Variants in SPATA17 observed in about 807,000 individuals in gnomAD.
SPATA17 encodes the protein spermatogenesis-associated protein 17.
Under a neutral mutation model 62.2 loss-of-function variants are expected in SPATA17, and 53 were observed. The ratio of observed to expected loss-of-function variants is 0.85; its 90% CI spans 0.68 to 1.07. The LOEUF (loss-of-function observed/expected upper bound fraction) is 1.07. SPATA17 is among the 50% of genes least tolerant of loss of function. SPATA17 has a pLI of 0.00. For missense variants in SPATA17, 466 were observed against 425.5 expected (o/e 1.10, Z -0.84); for synonymous variants, 146 against 146.8 (o/e 0.99, Z 0.04).
At chr1:217,820,975 G>C (rs1674844420) in intron 9 of SPATA17, among the ~76,000 whole-genome samples, 2 of 152,048 alleles carry the variant, frequency 1.3e-5, no homozygotes, top group South Asian at 4.1e-4. Flanking sequence ...AGAAGGTTAA[G>C]GGCAAAGCAG....
chr1:217,825,377 CCATGT>C (rs2102999002), intron 9 of SPATA17, among the ~76,000 whole-genome samples: 1 of 151,704 alleles, frequency 6.6e-6, no homozygotes, highest in South Asian at 2.1e-4. Flanking sequence ...GTAAATCATG[CCATGT>C]CATTTTTTTG....
chr1:217,658,350 C>T (rs1045874245), intron 3 of SPATA17, among the ~76,000 whole-genome samples: 4 of 152,152 alleles, frequency 2.6e-5, no homozygotes, highest in African/African-American at 9.6e-5. Context: ...TGTGACATGC[C>T]TGCTCTCCCT....
At chr1:217,787,740 C>T (rs1282206953) in intron 8 of SPATA17, among the ~76,000 whole-genome samples, 3 of 152,062 alleles carry the variant, frequency 2.0e-5, no homozygotes, top group Admixed American at 6.6e-5. Context: ...ACGCTCTTCA[C>T]TGATCTTCAG....
At chr1:217,811,348 C>T (rs934926674) in intron 9 of SPATA17, among the ~76,000 whole-genome samples, 1 of 152,088 alleles carries the variant, frequency 6.6e-6, no homozygotes, top group Non-Finnish European at 1.5e-5. Context: ...TTCTTTAAAT[C>T]ATAATAAATC....
intron 3 of SPATA17, among the ~76,000 whole-genome samples, chr1:217,662,756 A>G (rs1000810454): frequency 6.6e-6 from 1 of 152,168 alleles, no homozygotes; most frequent in African/African-American, 2.4e-5. Flanking sequence ...AGAGATTGAC[A>G]TTGTTGCTTT....
intron 9 of SPATA17, among the ~76,000 whole-genome samples, chr1:217,859,744 G>T (rs946098970): frequency 2.0e-5 from 3 of 152,218 alleles, no homozygotes; most frequent in South Asian, 2.1e-4. Flanking sequence ...GATTAGAAGT[G>T]ATGGCCCATT....
At chr1:217,763,400 A>C (rs1434246994) in intron 6 of SPATA17, among the ~76,000 whole-genome samples, 1 of 152,002 alleles carries the variant, frequency 6.6e-6, no homozygotes, top group Non-Finnish European at 1.5e-5. Context: ...GCAGATGGAA[A>C]AAAAAAAACA....
chr1:217,753,762 A>C (rs1342129324), intron 6 of SPATA17, among the ~76,000 whole-genome samples: 2 of 152,132 alleles, frequency 1.3e-5, no homozygotes, highest in Admixed American at 1.3e-4. Context: ...AAACATTCAA[A>C]AGCCAGAAAA....
chr1:217,678,802 CAAT>C (rs1671012095), intron 4 of SPATA17, among the ~76,000 whole-genome samples: 1 of 152,170 alleles, frequency 6.6e-6, no homozygotes, highest in African/African-American at 2.4e-5. Context: ...GCTGAGCACA[CAAT>C]GACTTTGTTT....
At chr1:217,663,160 T>C (rs186306885) in intron 3 of SPATA17, among the ~76,000 whole-genome samples, 1 of 152,216 alleles carries the variant, frequency 6.6e-6, no homozygotes, top group Non-Finnish European at 1.5e-5. Context: ...AATGAACTGT[T>C]CAGGACAGGT....
Position 217,742,108 on chromosome 1 carries a change from C to G in SPATA17, c.519+10C>G, listed in dbSNP as rs1672638501. 1 of 1,613,750 alleles carries G rather than the reference C, an allele frequency of 6.2e-7. No individual in the cohort carries two copies. The highest frequency in any genetic ancestry group is 8.5e-7 in the Non-Finnish European group (1 of 1,179,838). On this transcript the variant is annotated intron_variant, in intron 6 of 10. Coordinates refer to ENST00000366933, the MANE Select transcript of SPATA17 (RefSeq NM_138796.4). ...CCTCAGCACAAAGCAGGTTGGTTTACCTGTCCCTGACAGCTCCTGTAAGCC... is the reference window on the plus strand; with the variant it reads ...CCTCAGCACAAAGCAGGTTGGTTTAGCTGTCCCTGACAGCTCCTGTAAGCC...
At chr1:217,678,093 T>G (rs1670994153) in intron 4 of SPATA17, among the ~76,000 whole-genome samples, 1 of 152,132 alleles carries the variant, frequency 6.6e-6, no homozygotes. Context: ...AAAAGTATAA[T>G]TATGAATAAC....
intron 8 of SPATA17, among the ~76,000 whole-genome samples, chr1:217,786,051 G>T (rs61825814): frequency 0.031 from 4,781 of 152,186 alleles, 108 homozygotes; most frequent in Middle Eastern, 0.058. Context: ...ATATGGGAAG[G>T]TCTCATCTAG....
At chr1:217,721,852 G>A (rs1672135352) in intron 5 of SPATA17, among the ~76,000 whole-genome samples, 1 of 152,144 alleles carries the variant, frequency 6.6e-6, no homozygotes, top group Non-Finnish European at 1.5e-5. Flanking sequence ...AGCAACCCAA[G>A]TAGGTAGGAA....
At chr1:217,726,686 G>T (rs76489813) in intron 5 of SPATA17, among the ~76,000 whole-genome samples, 21,139 of 150,890 alleles carry the variant, frequency 0.14, 1,564 homozygotes, top group Non-Finnish European at 0.16. Context: ...GTTTTCATGC[G>T]TATTTCCCTT....
At chr1:217,699,231 A>G (rs1309704223) in intron 5 of SPATA17, among the ~76,000 whole-genome samples, 1 of 152,172 alleles carries the variant, frequency 6.6e-6, no homozygotes. Context: ...CAAGGGTGCA[A>G]GTATTGGGGC....
chr1:217,683,747 T>C (rs1194186738), intron 5 of SPATA17, among the ~76,000 whole-genome samples: 1 of 152,092 alleles, frequency 6.6e-6, no homozygotes, highest in Non-Finnish European at 1.5e-5. Context: ...GCTAAAAATA[T>C]TTTCTAAAAG....
At chr1:217,641,077 G>C (rs781020013) in intron 1 of SPATA17, among the ~76,000 whole-genome samples, 11 of 152,086 alleles carry the variant, frequency 7.2e-5, no homozygotes, top group Non-Finnish European at 1.3e-4. Context: ...CAAAAATTTT[G>C]TTTCGAAAAC....
chr1:217,652,525 C>T lies in SPATA17; in HGVS notation c.240+1347C>T, dbSNP rs920329866. Among the ~76,000 whole-genome samples, 49 of 152,036 alleles carry T rather than the reference C, an allele frequency of 3.2e-4. 1 individual carries two copies. The highest frequency in any genetic ancestry group is 2.6e-3 in the Admixed American group (39 of 15,262). On this transcript the variant is annotated intron_variant, in intron 3 of 10. Coordinates refer to ENST00000366933, the MANE Select transcript of SPATA17 (RefSeq NM_138796.4). Reference sequence around the variant, plus strand: ...CTGGGATTACAGGTGTGAGCCACCACGCCCGGCCAAACTTTTTTTTTTCCC... The same window carrying T: ...CTGGGATTACAGGTGTGAGCCACCATGCCCGGCCAAACTTTTTTTTTTCCC...
Sources: gnomAD v4.1 joint callset for allele counts (sites outside exome capture counted in the v4.1 genomes callset) on GRCh38, gnomAD v4.1.1 for gene constraint, MANE v1.5 for transcripts, NCBI Gene and HGNC (gene_info 2026-07-23, HGNC 2026-07-21) for gene names.